The following ANK2 variants were observed in gnomAD, a reference collection of about 807,000 sequenced individuals.
ANK2 encodes the protein ankyrin-2.
A neutral mutation model predicts 360.5 loss-of-function variants in ANK2; 83 were observed. The observed-to-expected ratio is 0.23, with a 90% confidence interval of 0.19 to 0.28. The LOEUF is 0.28. ANK2 is among the 10% of genes least tolerant of loss of function. The pLI, the probability that ANK2 is intolerant of heterozygous loss-of-function variation, is 1.00. For synonymous variants in ANK2, 1,740 were observed against 1,759.5 expected (o/e 0.99, Z 0.28); for missense variants, 4,201 against 4,795.7 (o/e 0.88, Z 3.66).
chr4:113,104,150 G>T (rs1310299070), intron 1 of ANK2, among the ~76,000 whole-genome samples: 1 of 152,136 alleles, frequency 6.6e-6, no homozygotes, highest in African/African-American at 2.4e-5. Context: ...TAATGTTCCT[G>T]TTCCTTAGGT....
At chr4:113,304,879 C>T (rs1275805730) in intron 23 of ANK2, among the ~76,000 whole-genome samples, 3 of 151,528 alleles carry the variant, frequency 2.0e-5, no homozygotes, top group South Asian at 2.1e-4. Context: ...ACACGTGGTA[C>T]CACTTTAAGC....
intron 11 of ANK2, 43 bp downstream of exon 11, chr4:113,255,975 C>T: frequency 1.9e-6 from 3 of 1,586,590 alleles, no homozygotes; most frequent in Non-Finnish European, 2.6e-6. Context: ...CAGATTGAGA[C>T]AAACAAACCC....
chr4:112,853,231 G>A (rs930058165), intron 1 of ANK2, among the ~76,000 whole-genome samples: 5 of 152,118 alleles, frequency 3.3e-5, no homozygotes, highest in African/African-American at 1.2e-4. Flanking sequence ...ACCACACCTG[G>A]CTATTTTTTG....
chr4:112,716,574 A>G, the ANK2 span, among the ~76,000 whole-genome samples: 2 of 152,144 alleles, frequency 1.3e-5, no homozygotes, highest in Non-Finnish European at 2.9e-5. Context: ...TTTTTGGTAG[A>G]GATGGGGGCC....
intron 45 of ANK2, chr4:113,378,219 A>G: frequency 9.5e-7 from 1 of 1,053,392 alleles, no homozygotes; most frequent in Non-Finnish European, 1.3e-6. Context: ...GCCAACTAAC[A>G]CCATAAAAAT....
At chr4:112,861,515 G>A (rs1208373288) in intron 1 of ANK2, among the ~76,000 whole-genome samples, 2 of 152,174 alleles carry the variant, frequency 1.3e-5, no homozygotes, top group Middle Eastern at 3.2e-3. Context: ...TGAGTACACA[G>A]ACTTTGGAGT....
At chr4:113,056,739 C>T (rs1284113792) in intron 1 of ANK2, among the ~76,000 whole-genome samples, 3 of 152,068 alleles carry the variant, frequency 2.0e-5, no homozygotes, top group South Asian at 2.1e-4. Flanking sequence ...CATCCCAACC[C>T]GTAGGGAGGG....
the ANK2 span, among the ~76,000 whole-genome samples, chr4:112,732,361 C>A: frequency 0.16 from 13,321 of 85,688 alleles, 799 homozygotes; most frequent in African/African-American, 0.31. Context: ...TGGGCCCAAC[C>A]AATCCTGTTC....
rs976154274 is a variant in ANK2, at chr4:113,117,105, T to G, written c.85-57311T>G. Reference sequence around the variant, plus strand: ...GTTCATTGTAGTGAGTTGTGGGTGCTGCAGAGGCTGGAGCAAGATTATGAC... The same window carrying G: ...GTTCATTGTAGTGAGTTGTGGGTGCGGCAGAGGCTGGAGCAAGATTATGAC... On this transcript the variant is annotated intron_variant, in intron 1 of 45. Coordinates refer to ENST00000357077, the MANE Select transcript of ANK2 (RefSeq NM_001148.6). 7.4e-5 allele frequency: 27 copies of G among 363,968 alleles called. 1 individual carries two copies. In the Admixed American group the frequency reaches 1.0e-3, roughly 13 times the overall value. The allele number at this position is 363,968 out of a possible 1,614,324, so 22.5% of individuals were successfully genotyped here. A position where few individuals can be genotyped will look rare whatever the true frequency, so the allele number is the denominator to read the frequency against.
chr4:112,977,291 T>C (rs2154269348), intron 2 of ANK2, among the ~76,000 whole-genome samples: 1 of 152,266 alleles, frequency 6.6e-6, no homozygotes, highest in South Asian at 2.1e-4. Flanking sequence ...CTTCTTTAAA[T>C]AATATTGTTG....
the ANK2 span, among the ~76,000 whole-genome samples, chr4:112,777,804 G>A: frequency 1.3e-5 from 2 of 151,046 alleles, no homozygotes; most frequent in Non-Finnish European, 2.9e-5. Context: ...TTTTAATAGA[G>A]ATGGGGTTTC....
At chr4:113,275,620 CTGG>C (rs753854968) in intron 15 of ANK2, among the ~76,000 whole-genome samples, 1 of 151,796 alleles carries the variant, frequency 6.6e-6, no homozygotes, top group South Asian at 2.1e-4. Flanking sequence ...TATGACTTAC[CTGG>C]TTGCCTATGG....
chr4:113,225,980 A>C (rs192837441), intron 4 of ANK2, among the ~76,000 whole-genome samples: 1 of 152,312 alleles, frequency 6.6e-6, no homozygotes, highest in Admixed American at 6.5e-5. Flanking sequence ...AAACCTGAGA[A>C]CTATTATCAA....
At chr4:113,217,896 A>G (rs927503111) in intron 4 of ANK2, among the ~76,000 whole-genome samples, 1 of 152,146 alleles carries the variant, frequency 6.6e-6, no homozygotes, top group Non-Finnish European at 1.5e-5. Flanking sequence ...CAAGTTGTGA[A>G]TTAGAATTTG....
the ANK2 span, among the ~76,000 whole-genome samples, chr4:112,793,256 C>T: frequency 1.3e-4 from 20 of 152,018 alleles, no homozygotes; most frequent in Non-Finnish European, 1.3e-4. Flanking sequence ...TTGCTACATG[C>T]ACCTATGTAT....
intron 2 of ANK2, among the ~76,000 whole-genome samples, chr4:112,964,251 T>C (rs994909993): frequency 2.0e-5 from 3 of 151,338 alleles, no homozygotes; most frequent in African/African-American, 4.9e-5. Context: ...AAATATACTC[T>C]TTTAGTTCTT....
At chr4:112,897,029 C>T (rs1021423291) in intron 1 of ANK2, among the ~76,000 whole-genome samples, 1 of 152,190 alleles carries the variant, frequency 6.6e-6, no homozygotes, top group Non-Finnish European at 1.5e-5. Flanking sequence ...GCGCACTCTC[C>T]CCTCTGCTTC....
chr4:112,736,428 G>A, the ANK2 span, among the ~76,000 whole-genome samples: 2 of 147,284 alleles, frequency 1.4e-5, no homozygotes, highest in African/African-American at 2.5e-5. Context: ...TTGCTCCACC[G>A]CACTCCAGCC....
At chr4:113,318,695 T>C in intron 26 of ANK2, 75 bp downstream of exon 26, 6 of 1,239,638 alleles carry the variant, frequency 4.8e-6, no homozygotes, top group Non-Finnish European at 7.0e-6. Context: ...CTTTGTCCAG[T>C]AGCTTTAGCT....
Sources: gnomAD v4.1 joint callset for allele counts (sites outside exome capture counted in the v4.1 genomes callset) on GRCh38, gnomAD v4.1.1 for gene constraint, MANE v1.5 for transcripts, NCBI Gene and HGNC (gene_info 2026-07-23, HGNC 2026-07-21) for gene names.